The following EPHA4 variants were observed in gnomAD, a reference collection of about 807,000 sequenced individuals.
EPHA4 encodes the protein ephrin type-A receptor 4.
In EPHA4, 19 loss-of-function variants were observed where a neutral mutation model predicts 108.3. The observed-to-expected ratio is 0.18, with a 90% CI of 0.12 to 0.26. The LOEUF is 0.26. Ranked by LOEUF, EPHA4 falls within the 10% of genes least tolerant of loss-of-function variation. The pLI, the probability that EPHA4 is intolerant of heterozygous loss-of-function variation, is 1.00. For synonymous variants in EPHA4, 449 were observed against 455.5 expected (o/e 0.99, Z 0.18); for missense variants, 917 against 1,254.0 (o/e 0.73, Z 4.06).
At chr2:221,528,371 G>A (rs183757923) in intron 3 of EPHA4, among the ~76,000 whole-genome samples, 176 of 152,224 alleles carry the variant, frequency 1.2e-3, no homozygotes, top group African/African-American at 3.9e-3. Flanking sequence ...TTAACCATTA[G>A]ATGCATCAGC....
chr2:221,448,777 C>A (rs1230084898), intron 8 of EPHA4, among the ~76,000 whole-genome samples: 1 of 152,098 alleles, frequency 6.6e-6, no homozygotes, highest in East Asian at 1.9e-4. Context: ...GAATTTCTTT[C>A]CTTTGAAGAA....
At chr2:221,438,537 C>T (rs1450030301) in intron 11 of EPHA4, among the ~76,000 whole-genome samples, 1 of 152,026 alleles carries the variant, frequency 6.6e-6, no homozygotes, top group Non-Finnish European at 1.5e-5. Context: ...CCTGCAATTC[C>T]AGCACTTTGG....
chr2:221,447,729 C>A lies in EPHA4; in HGVS notation c.1716-1548G>T, dbSNP rs188372345. On this transcript the variant is annotated intron_variant, in intron 8 of 17. Transcript: ENST00000281821. ...GAACCAACTTAGCAAAACAGAGACC[C>A]CAATGACTACAGCTAACTGTGAAGT... is the stretch of plus-strand genomic sequence containing the variant. Among the ~76,000 whole-genome samples, 5 of 152,278 alleles carry A rather than the reference C, an allele frequency of 3.3e-5. No individual in the cohort carries two copies. The East Asian group carries it at 7.7e-4, about 23-fold the overall frequency.
At chr2:221,569,220 ATT>A (rs1311619083) in intron 1 of EPHA4, among the ~76,000 whole-genome samples, 2 of 152,220 alleles carry the variant, frequency 1.3e-5, no homozygotes, top group African/African-American at 4.8e-5. Flanking sequence ...CCACAAGTGA[ATT>A]CTCTCTTCTA....
intron 3 of EPHA4, among the ~76,000 whole-genome samples, chr2:221,539,120 C>CCAGGAGTAGTAGCAGCAGTAG (rs1693757540): frequency 6.6e-6 from 1 of 152,106 alleles, no homozygotes; most frequent in Non-Finnish European, 1.5e-5. Flanking sequence ...CCATGACAAT[C>CCAGGAGTAGTAGCAGCAGTAG]CAGGAGTAGT....
At chr2:221,557,382 C>A (rs1694336916) in intron 3 of EPHA4, among the ~76,000 whole-genome samples, 1 of 151,166 alleles carries the variant, frequency 6.6e-6, no homozygotes, top group African/African-American at 2.4e-5. Context: ...ATATTTCTAT[C>A]TAACAACAAT....
intron 3 of EPHA4, among the ~76,000 whole-genome samples, chr2:221,503,293 G>A (rs552958208): frequency 3.7e-4 from 57 of 152,234 alleles, no homozygotes; most frequent in Admixed American, 2.2e-3. Flanking sequence ...CATCAAAAAC[G>A]AAAAACTCAC....
chr2:221,514,100 G>GGC (rs1574625829), intron 3 of EPHA4, among the ~76,000 whole-genome samples: 1 of 150,596 alleles, frequency 6.6e-6, no homozygotes, highest in Non-Finnish European at 1.5e-5. Flanking sequence ...GGGGGAGGGG[G>GGC]TTTGAAAATC....
chr2:221,447,821 TTTTA>T (rs56796398), intron 8 of EPHA4, among the ~76,000 whole-genome samples: 4 of 147,556 alleles, frequency 2.7e-5, no homozygotes, highest in Middle Eastern at 3.2e-3. Context: ...AAGGGTCTAT[TTTTA>T]TTTATTTATT....
At chr2:221,508,705 G>C (rs1307274861) in intron 3 of EPHA4, among the ~76,000 whole-genome samples, 1 of 152,082 alleles carries the variant, frequency 6.6e-6, no homozygotes, top group East Asian at 1.9e-4. Context: ...TTATGGGACA[G>C]AGCCTGGAGT....
intron 3 of EPHA4, among the ~76,000 whole-genome samples, chr2:221,555,885 A>T (rs753412861): frequency 1.2e-4 from 18 of 152,186 alleles, no homozygotes; most frequent in Non-Finnish European, 1.6e-4. Flanking sequence ...ATAAAATGTC[A>T]TTCTTCTAAA....
intron 3 of EPHA4, among the ~76,000 whole-genome samples, chr2:221,517,925 T>C (rs1045648643): frequency 6.6e-6 from 1 of 152,106 alleles, no homozygotes; most frequent in Non-Finnish European, 1.5e-5. Flanking sequence ...GGGGCCAGCT[T>C]CCTGAGCGTG....
At chr2:221,519,143 G>A (rs928357599) in intron 3 of EPHA4, among the ~76,000 whole-genome samples, 1 of 152,078 alleles carries the variant, frequency 6.6e-6, no homozygotes. Flanking sequence ...CTTGGCAAAG[G>A]TTCCTTTACT....
Position 221,474,801 on chromosome 2 carries a change from G to A in EPHA4, c.1318+7551C>T, listed in dbSNP as rs190532682. On this transcript the variant is annotated intron_variant, in intron 5 of 17. Coordinates refer to ENST00000281821, the MANE Select transcript of EPHA4 (RefSeq NM_004438.5). ...TCTTAGGGGTAAGGAAAAATAACAC[G>A]ATTTACTGGAGATCAAAGGCAAGCA... Among the ~76,000 whole-genome samples, 252 of 152,256 alleles carry A rather than the reference G, an allele frequency of 1.7e-3. 1 individual carries two copies. Among genetic ancestry groups the A allele is most frequent in the East Asian group, 5.6e-3 (29 of 5,184 alleles).
chr2:221,535,897 G>T (rs74914134), intron 3 of EPHA4, among the ~76,000 whole-genome samples: 1,642 of 152,170 alleles, frequency 0.011, 30 homozygotes, highest in African/African-American at 0.038. Flanking sequence ...ACGAGCCAGG[G>T]GTAGAGACCA....
intron 14 of EPHA4, among the ~76,000 whole-genome samples, chr2:221,433,089 G>A (rs193162238): frequency 1.3e-5 from 2 of 152,158 alleles, no homozygotes; most frequent in East Asian, 3.9e-4. Flanking sequence ...CTCCCAAAGT[G>A]CTGGGATTAC....
chr2:221,495,112 GAAAC>G lies in EPHA4; in HGVS notation c.979+5901_979+5904del, dbSNP rs377290998. On this transcript the variant is annotated intron_variant, in intron 4 of 17. Transcript: ENST00000281821. The stretch of plus-strand genomic sequence containing the variant: ...CAATAACTTGGTGAGGATTCTGGAA[GAAAC>G]AAACAAACAACAGCAAAATTAAAAA... 3.7e-3 allele frequency among the ~76,000 whole-genome samples: 565 copies of G among 151,274 alleles called. 7 individuals carry two copies. Among genetic ancestry groups the G allele is most frequent in the African/African-American group, 0.013 (538 of 41,274 alleles).
At chr2:221,504,807 G>A in intron 3 of EPHA4, among the ~76,000 whole-genome samples, 1 of 152,128 alleles carries the variant, frequency 6.6e-6, no homozygotes, top group South Asian at 2.1e-4. Context: ...GAAGAAACAG[G>A]GTTTTCAGTA....
chr2:221,567,363 A>G (rs922092341), intron 2 of EPHA4, among the ~76,000 whole-genome samples: 1 of 152,210 alleles, frequency 6.6e-6, no homozygotes, highest in South Asian at 2.1e-4. Context: ...AGGATTAACA[A>G]TGAGTCTGAC....
Sources: allele counts gnomAD v4.1 joint callset (sites outside exome capture counted in the v4.1 genomes callset), GRCh38; gene constraint gnomAD v4.1.1; transcripts MANE v1.5; gene names NCBI Gene and HGNC (gene_info 2026-07-23, HGNC 2026-07-21).